The following ADAMTS5 variants were observed in gnomAD, a reference collection of about 807,000 sequenced individuals.
The protein encoded by ADAMTS5 is ADAM metallopeptidase with thrombospondin type 1 motif 5.
Under a neutral mutation model 81.4 loss-of-function variants are expected in ADAMTS5, and 54 were observed. The ratio of observed to expected loss-of-function variants is 0.66; its 90% CI spans 0.53 to 0.83. The LOEUF (loss-of-function observed/expected upper bound fraction) is 0.83, where lower values mean the gene tolerates loss of function less well. Among genes scored for constraint, ADAMTS5 ranks in the 40% least tolerant of loss-of-function variants. The pLI is 0.00. For missense variants in ADAMTS5, 1,194 were observed against 1,229.9 expected, an observed-to-expected ratio of 0.97 and a Z score of 0.44; for synonymous variants, 532 against 508.8, an observed-to-expected ratio of 1.05 and a Z score of -0.61.
Position 26,934,449 on chromosome 21 carries a change from A to T in ADAMTS5, c.1689+17T>A. 1 of 1,613,544 alleles carries T rather than the reference A, an allele frequency of 6.2e-7. No homozygotes were observed. Among genetic ancestry groups the T allele is most frequent in the Non-Finnish European group, 8.5e-7 (1 of 1,179,590 alleles). On this transcript the variant is annotated intron_variant, in intron 4 of 7. Transcript: ENST00000284987. ...TTCTTGGGCCTCCAGGCATTGACTG[A>T]TGAGAAAATCACTTACTGAATAATA...
At chr21:26,952,813 TCTCA>T (rs1987347289) in intron 2 of ADAMTS5, among the ~76,000 whole-genome samples, 3 of 152,210 alleles carry the variant, frequency 2.0e-5, no homozygotes. Flanking sequence ...ATGGGACTCC[TCTCA>T]CTCTGAATGA....
chr21:26,944,602 T>C (rs2830591), intron 2 of ADAMTS5, among the ~76,000 whole-genome samples: 27,063 of 152,112 alleles, frequency 0.18, 3,169 homozygotes, highest in Non-Finnish European at 0.25. Context: ...ATCATCCTAG[T>C]GGTGTTTTTA....
At chr21:26,945,179 T>C (rs187370044) in intron 2 of ADAMTS5, among the ~76,000 whole-genome samples, 1 of 151,816 alleles carries the variant, frequency 6.6e-6, no homozygotes. Flanking sequence ...CTTTCATTCA[T>C]GTACTATTAG....
intron 3 of ADAMTS5, among the ~76,000 whole-genome samples, chr21:26,942,872 A>G (rs1349429433): frequency 6.6e-6 from 1 of 152,212 alleles, no homozygotes; most frequent in African/African-American, 2.4e-5. Flanking sequence ...AGAATCTCCT[A>G]TCAGAATAAA....
chr21:26,962,208 G>T (rs1196446580), intron 1 of ADAMTS5, among the ~76,000 whole-genome samples: 1 of 109,330 alleles, frequency 9.1e-6, no homozygotes, highest in Admixed American at 8.2e-5. Context: ...AGAGCAAATG[G>T]TCTAAAAAAA....
rs1397945291 is a variant in ADAMTS5, at chr21:26,920,011, C to A, written c.*4042G>T. On this transcript the variant is annotated 3_prime_UTR_variant, in exon 8 of 8. Coordinates refer to ENST00000284987, the MANE Select transcript of ADAMTS5 (RefSeq NM_007038.5). ...CAAATATAAGGTATTTGTAAAGCAT[C>A]TTTCATTATAAAGAGATTAGTAATA... The A allele has an allele frequency of 2.6e-5, 4 of 151,754 alleles. No homozygotes were observed. Among genetic ancestry groups the A allele is most frequent in the African/African-American group, 9.7e-5 (4 of 41,112 alleles). The allele number at this position is 151,754 out of a possible 1,614,324, so 9.4% of individuals were successfully genotyped here.
At chr21:26,953,544 T>G (rs905280865) in intron 2 of ADAMTS5, among the ~76,000 whole-genome samples, 1 of 152,196 alleles carries the variant, frequency 6.6e-6, no homozygotes, top group Non-Finnish European at 1.5e-5. Flanking sequence ...TAGAAATGGA[T>G]GCTTTGTGAA....
At position 26,965,933 on chromosome 21, in the gene ADAMTS5, G is replaced by T; in HGVS notation, c.459C>A (p.Asp153Glu). Residue 153 changes from aspartate to glutamate, a missense_variant, in exon 1 of 8, where the codon GAC becomes GAA. Physicochemically the swap from Asp to Glu is conservative, Grantham distance 45 (BLOSUM62 2). Coordinates refer to ENST00000284987, the MANE Select transcript of ADAMTS5 (RefSeq NM_007038.5). The stretch of plus-strand genomic sequence containing the variant: ...GCGCGTGCTTGACCGCGAAGAAGCC[G>T]TCGAGACCCCCACAGAGGTCAAAGA... ...LAVFDLCGGL[D>E]GFFAVKHARY... is the part of the protein sequence containing the mutation. 6.2e-7 allele frequency: 1 copy of T among 1,613,784 alleles called. No homozygotes were observed.
chr21:26,965,969 G>A lies in ADAMTS5; in HGVS notation c.423C>T (p.Arg141=), dbSNP rs765827647. The change falls in exon 1 of 8, where the codon CGC becomes CGT. Residue 141 remains arginine (R), a synonymous_variant. Transcript: ENST00000284987. ...CACAGAGGTCAAAGACAGCCAGAGAGCGGGGACTACCGTCCACTGTGCCCC... is the reference window on the plus strand; with the variant it reads ...CACAGAGGTCAAAGACAGCCAGAGAACGGGGACTACCGTCCACTGTGCCCC... ...FYRGTVDGSP[R]SLAVFDLCGG... 2.5e-6 allele frequency: 4 copies of A among 1,613,224 alleles called. No homozygotes were observed. The highest frequency in any genetic ancestry group is 2.5e-6 in the Non-Finnish European group (3 of 1,179,846).
Position 26,930,049 on chromosome 21 carries a change from T to G in ADAMTS5, c.2062A>C (p.Thr688Pro). The change falls in exon 7 of 8, where the codon ACT becomes CCT. Residue 688 changes from threonine to proline, a missense_variant. Transcript: ENST00000284987. ...GAATTACTGTACAGCCTACATTCAG[T>G]GCCATCGGTCACCTGAATCATGGCA... The part of the protein sequence containing the change: ...VVFSPKVTDG[T>P]ECRLYSNSVC... The G allele has an allele frequency of 1.9e-6, 3 of 1,613,810 alleles. No individual in the cohort carries two copies. Among genetic ancestry groups the G allele is most frequent in the Non-Finnish European group, 2.5e-6 (3 of 1,179,808 alleles).
intron 1 of ADAMTS5, among the ~76,000 whole-genome samples, chr21:26,956,060 T>C (rs1313221873): frequency 6.6e-6 from 1 of 152,214 alleles, no homozygotes; most frequent in African/African-American, 2.4e-5. Flanking sequence ...AGATACATTA[T>C]AGTGCTCCCA....
intron 3 of ADAMTS5, among the ~76,000 whole-genome samples, chr21:26,942,172 A>T (rs1987126807): frequency 6.6e-6 from 1 of 152,138 alleles, no homozygotes; most frequent in Non-Finnish European, 1.5e-5. Flanking sequence ...TGGGTTAATG[A>T]ACATATTTTG....
intron 7 of ADAMTS5, among the ~76,000 whole-genome samples, chr21:26,925,265 T>C (rs1986786094): frequency 6.6e-6 from 1 of 152,190 alleles, no homozygotes; most frequent in African/African-American, 2.4e-5. Flanking sequence ...CATTCCTTTC[T>C]ACTAGAATTC....
chr21:26,948,506 T>TAGA (rs1350286187), intron 2 of ADAMTS5, among the ~76,000 whole-genome samples: 1 of 152,210 alleles, frequency 6.6e-6, no homozygotes, highest in Non-Finnish European at 1.5e-5. Flanking sequence ...TGCACGGTCT[T>TAGA]GCCAGGGGTT....
Position 26,965,972 on chromosome 21 carries a change from G to A in ADAMTS5, c.420C>T (p.Pro140=). Residue 140 remains proline (P), a synonymous_variant, in exon 1 of 8, where the codon CCC becomes CCT. Coordinates refer to ENST00000284987, the MANE Select transcript of ADAMTS5 (RefSeq NM_007038.5). The part of the protein sequence containing the change: ...CFYRGTVDGS[P]RSLAVFDLCG... ...AGAGGTCAAAGACAGCCAGAGAGCG[G>A]GGACTACCGTCCACTGTGCCCCGAT... 2 of 1,613,322 alleles carry A rather than the reference G, an allele frequency of 1.2e-6. No individual in the cohort carries two copies. The highest frequency in any genetic ancestry group is 1.7e-6 in the Non-Finnish European group (2 of 1,179,856).
At position 26,918,488 on chromosome 21, in the gene ADAMTS5, A is replaced by G. The variant is rs1986623820; in HGVS notation, c.*5565T>C. ...ATTTAGTTATCTGCAAAGTCTATTTACAAAGCATATGTATGATTTCCTCTG... is the reference window on the plus strand; with the variant it reads ...ATTTAGTTATCTGCAAAGTCTATTTGCAAAGCATATGTATGATTTCCTCTG... On this transcript the variant is annotated 3_prime_UTR_variant, in exon 8 of 8. Coordinates refer to ENST00000284987, the MANE Select transcript of ADAMTS5 (RefSeq NM_007038.5). The G allele has an allele frequency of 6.6e-6, 1 of 152,078 alleles. No individual in the cohort carries two copies. Among genetic ancestry groups the G allele is most frequent in the African/African-American group, 2.4e-5 (1 of 41,452 alleles). 9.4% of individuals were successfully genotyped at this position (152,078 alleles called of 1,614,324 possible).
intron 1 of ADAMTS5, among the ~76,000 whole-genome samples, chr21:26,955,859 A>G (rs1163734148): frequency 6.6e-6 from 1 of 152,230 alleles, no homozygotes; most frequent in Non-Finnish European, 1.5e-5. Flanking sequence ...CTAGTAAGCC[A>G]TAAGTTAGGA....
In ADAMTS5 at chr21:26,931,989, T is replaced by C; in HGVS notation, c.2049+15A>G. ...CAGTACGCCTACTGCTTCTGGACAG[T>C]TGGTGTGTAGTTACCTTTGGAGAAA... is the stretch of plus-strand genomic sequence containing the variant. On this transcript the variant is annotated intron_variant, in intron 6 of 7. Coordinates refer to ENST00000284987, the MANE Select transcript of ADAMTS5 (RefSeq NM_007038.5). 2 of 1,602,444 alleles carry C rather than the reference T, an allele frequency of 1.2e-6. No homozygotes were observed. Among genetic ancestry groups the C allele is most frequent in the South Asian group, 1.1e-5 (1 of 88,752 alleles).
chr21:26,927,617 C>T (rs1356855876), intron 7 of ADAMTS5, among the ~76,000 whole-genome samples: 1 of 152,056 alleles, frequency 6.6e-6, no homozygotes, highest in Admixed American at 6.6e-5. Context: ...TCTTTTAGCA[C>T]CTTAGAGATT....
Sources: gnomAD v4.1 joint callset for allele counts (sites outside exome capture counted in the v4.1 genomes callset) on GRCh38, gnomAD v4.1.1 for gene constraint, MANE v1.5 for transcripts, NCBI Gene and HGNC (gene_info 2026-07-23, HGNC 2026-07-21) for gene names.